Variants in GABPA observed in about 807,000 individuals in gnomAD.
GABPA encodes the protein GA binding protein transcription factor subunit alpha.
Under a neutral mutation model 59.4 loss-of-function variants are expected in GABPA, and 4 were observed. The observed-to-expected ratio is 0.07, with a 90% CI of 0.03 to 0.15. GABPA has a LOEUF of 0.15. Ranked by LOEUF, GABPA falls within the 10% of genes least tolerant of loss-of-function variation. The pLI, the probability that GABPA is intolerant of heterozygous loss-of-function variation, is 1.00. For synonymous variants in GABPA, 164 were observed against 183.1 expected, an observed-to-expected ratio of 0.90 and a Z score of 0.84; for missense variants, 251 against 543.8, an observed-to-expected ratio of 0.46 and a Z score of 5.36.
At chr21:25,752,472 G>A in intron 5 of GABPA, 1 of 471,550 alleles carries the variant, frequency 2.1e-6, no homozygotes, top group Non-Finnish European at 3.8e-6. Flanking sequence ...TGTTGAGAGT[G>A]TAGTTGAAGA....
intron 9 of GABPA, among the ~76,000 whole-genome samples, chr21:25,766,218 C>A (rs1428254784): frequency 6.6e-6 from 1 of 151,946 alleles, no homozygotes; most frequent in African/African-American, 2.4e-5. Context: ...AATTTACTCT[C>A]CATCTCTGGG....
rs1490572905 is a variant in GABPA, at chr21:25,735,596, G to C, written c.-27+18G>C. ...CGGAGTGGGTGAGTGCGGCCGCCGG[G>C]GAGGAGGGGAGCGCGGGCCCTCGCG... On this transcript the variant is annotated intron_variant, in intron 1 of 9. Transcript: ENST00000400075. The C allele has an allele frequency of 1.3e-5, 2 of 152,708 alleles. No individual in the cohort carries two copies. Among genetic ancestry groups the C allele is most frequent in the Non-Finnish European group, 1.5e-5 (1 of 68,078 alleles). 9.5% of individuals were successfully genotyped at this position (152,708 alleles called of 1,614,324 possible). A position where few individuals can be genotyped will look rare whatever the true frequency, so the allele number is the denominator to read the frequency against.
rs1233135065 is a variant in GABPA, at chr21:25,739,682, C to T, written c.-26-1891C>T. Among the ~76,000 whole-genome samples, 3 of 152,304 alleles carry T rather than the reference C, an allele frequency of 2.0e-5. 1 individual carries two copies. The highest frequency in any genetic ancestry group is 4.8e-5 in the African/African-American group (2 of 41,562). On this transcript the variant is annotated intron_variant, in intron 1 of 9. Transcript: ENST00000400075. ...CCAGGAGGGAGTGCAGTGGCACGAT[C>T]ATCATTGACTGCAGCCTCGACTCCT... is the stretch of plus-strand genomic sequence containing the variant.
intron 6 of GABPA, among the ~76,000 whole-genome samples, chr21:25,758,709 T>G (rs971062390): frequency 6.6e-6 from 1 of 152,192 alleles, no homozygotes; most frequent in Non-Finnish European, 1.5e-5. Context: ...AATAGAGTCT[T>G]AAGAGGGAAG....
intron 1 of GABPA, among the ~76,000 whole-genome samples, chr21:25,738,703 G>A (rs2035142643): frequency 6.6e-6 from 1 of 152,102 alleles, no homozygotes; most frequent in Non-Finnish European, 1.5e-5. Flanking sequence ...CATATTGGTG[G>A]AGTGCCTGCT....
At chr21:25,741,779 C>T in intron 2 of GABPA, 104 bp downstream of exon 2, 1 of 673,946 alleles carries the variant, frequency 1.5e-6, no homozygotes, top group Middle Eastern at 2.5e-4. Flanking sequence ...TTTAACTGTT[C>T]TCAGTATTTT....
intron 6 of GABPA, among the ~76,000 whole-genome samples, chr21:25,759,047 T>C (rs1431024738): frequency 6.6e-6 from 1 of 151,978 alleles, no homozygotes; most frequent in Non-Finnish European, 1.5e-5. Flanking sequence ...TCCAGCATGG[T>C]GACAGAGCAA....
chr21:25,764,103 G>C lies in GABPA; in HGVS notation c.803-107G>C, dbSNP rs2035831996. On this transcript the variant is annotated intron_variant, in intron 7 of 9. Coordinates refer to ENST00000400075, the MANE Select transcript of GABPA (RefSeq NM_002040.4). ...CTTTCTGTAGTGAAGTACTTTCTTG[G>C]GGGTAATTCATAGGGCATTAGTTAA... 6 of 886,540 alleles carry C rather than the reference G, an allele frequency of 6.8e-6. No individual in the cohort carries two copies. The South Asian group carries it at 1.1e-4, about 17-fold the overall frequency. 54.9% of individuals were successfully genotyped at this position (886,540 alleles called of 1,614,324 possible). A position where few individuals can be genotyped will look rare whatever the true frequency, so the allele number is the denominator to read the frequency against.
chr21:25,766,547 C>T (rs758513262), intron 9 of GABPA, among the ~76,000 whole-genome samples: 5 of 151,840 alleles, frequency 3.3e-5, no homozygotes, highest in African/African-American at 9.7e-5. Flanking sequence ...TGAATAGACA[C>T]CTCAGGCTAG....
intron 2 of GABPA, 24 bp downstream of exon 2, chr21:25,741,699 T>C (rs755369292): frequency 6.5e-7 from 1 of 1,537,966 alleles, no homozygotes; most frequent in South Asian, 1.2e-5. Flanking sequence ...AATTTATCAT[T>C]TTTTTTCAAA....
intron 5 of GABPA, among the ~76,000 whole-genome samples, chr21:25,753,797 A>G (rs563931422): frequency 6.6e-6 from 1 of 152,282 alleles, no homozygotes; most frequent in Admixed American, 6.5e-5. Flanking sequence ...TGTAAATGAA[A>G]CAGTATTGTC....
chr21:25,764,580 C>T lies in GABPA; in HGVS notation c.944-15C>T. On this transcript the variant is annotated splice_polypyrimidine_tract_variant and intron_variant, in intron 8 of 9. Transcript: ENST00000400075. ...TAACACTATAGCTAATGCTTTGTTCCTCTTACCAATTTAGGAAACAATGGC... is the reference window on the plus strand; with the variant it reads ...TAACACTATAGCTAATGCTTTGTTCTTCTTACCAATTTAGGAAACAATGGC... 1 of 1,606,020 alleles carries T rather than the reference C, an allele frequency of 6.2e-7. No individual in the cohort carries two copies. Among genetic ancestry groups the T allele is most frequent in the Non-Finnish European group, 8.5e-7 (1 of 1,174,544 alleles).
chr21:25,743,493 T>C (rs2035278374), intron 2 of GABPA, among the ~76,000 whole-genome samples: 1 of 152,100 alleles, frequency 6.6e-6, no homozygotes, highest in Non-Finnish European at 1.5e-5. Flanking sequence ...GTAATTAATA[T>C]GTATGACCTA....
intron 5 of GABPA, among the ~76,000 whole-genome samples, chr21:25,757,485 G>A (rs1354641369): frequency 6.6e-6 from 1 of 152,128 alleles, no homozygotes; most frequent in Non-Finnish European, 1.5e-5. Flanking sequence ...AGTAAAACAG[G>A]CAATTACCAT....
intron 4 of GABPA, among the ~76,000 whole-genome samples, chr21:25,750,940 C>A (rs1406486620): frequency 6.6e-6 from 1 of 151,978 alleles, no homozygotes; most frequent in Non-Finnish European, 1.5e-5. Context: ...TTTAAACTAC[C>A]TGAGAATGAT....
intron 5 of GABPA, among the ~76,000 whole-genome samples, chr21:25,755,183 T>C (rs1022899697): frequency 1.1e-4 from 16 of 151,412 alleles, no homozygotes; most frequent in African/African-American, 3.6e-4. Flanking sequence ...GTGTGTTGGC[T>C]CATGCCTATA....
At chr21:25,766,273 A>G (rs1028296855) in intron 9 of GABPA, among the ~76,000 whole-genome samples, 1 of 151,992 alleles carries the variant, frequency 6.6e-6, no homozygotes, top group Non-Finnish European at 1.5e-5. Context: ...CCAAAAATCA[A>G]TTCCATGTAG....
At chr21:25,767,743 A>G (rs1480486969) in intron 9 of GABPA, among the ~76,000 whole-genome samples, 2 of 152,106 alleles carry the variant, frequency 1.3e-5, no homozygotes, top group Admixed American at 6.6e-5. Flanking sequence ...CTGAAATCCA[A>G]ATTCTGTACT....
chr21:25,763,022 T>A, intron 7 of GABPA: 1 of 374,750 alleles, frequency 2.7e-6, no homozygotes, highest in Non-Finnish European at 5.2e-6. Flanking sequence ...TCAGCTTTAT[T>A]CTTTACCTTT....
Sources: allele counts gnomAD v4.1 joint callset (sites outside exome capture counted in the v4.1 genomes callset), GRCh38; gene constraint gnomAD v4.1.1; transcripts MANE v1.5; gene names NCBI Gene and HGNC (gene_info 2026-07-23, HGNC 2026-07-21).